The following CMIP variants were observed in gnomAD, a reference collection of about 807,000 sequenced individuals.
CMIP encodes the protein c-Maf inducing protein, also known as C-Maf-inducing protein.
A neutral mutation model predicts 97.3 loss-of-function variants in CMIP; 13 were observed. That is an observed-to-expected ratio of 0.13 (90% CI 0.09 to 0.21). CMIP has a LOEUF of 0.21. CMIP is among the 10% of genes least tolerant of loss of function. The probability of loss-of-function intolerance (pLI) is 1.00; values close to 1 mark genes in which losing one functional copy is unlikely to be tolerated. For synonymous variants in CMIP, 538 were observed against 436.3 expected (o/e 1.23, Z -2.91); for missense variants, 847 against 1,024.9 (o/e 0.83, Z 2.37).
chr16:81,469,774 C>T (rs535458470), intron 1 of CMIP, among the ~76,000 whole-genome samples: 60 of 152,304 alleles, frequency 3.9e-4, no homozygotes, highest in Middle Eastern at 3.4e-3. Flanking sequence ...TAAACTCTAC[C>T]TGGAAAATGG....
intron 20 of CMIP, among the ~76,000 whole-genome samples, chr16:81,709,486 C>A (rs1024215064): frequency 2.0e-5 from 3 of 152,182 alleles, no homozygotes; most frequent in African/African-American, 7.2e-5. Flanking sequence ...CTTCCACCTG[C>A]GAAGACAGAG....
At chr16:81,558,139 GCAATATTC>G (rs1314706077) in intron 1 of CMIP, among the ~76,000 whole-genome samples, 1 of 152,116 alleles carries the variant, frequency 6.6e-6, no homozygotes, top group East Asian at 1.9e-4. Flanking sequence ...CTCTTTTATG[GCAATATTC>G]CATTGTCTGT....
At chr16:81,588,883 G>A (rs2091424358) in intron 1 of CMIP, among the ~76,000 whole-genome samples, 1 of 152,180 alleles carries the variant, frequency 6.6e-6, no homozygotes, top group African/African-American at 2.4e-5. Flanking sequence ...CCATTTCACA[G>A]ATGAGGAGAC....
intron 1 of CMIP, among the ~76,000 whole-genome samples, chr16:81,494,632 C>G (rs1196240092): frequency 6.6e-6 from 1 of 152,074 alleles, no homozygotes; most frequent in Non-Finnish European, 1.5e-5. Context: ...CCCGGGGCCG[C>G]CCCCCGATGC....
chr16:81,524,722 G>T (rs1267626085), intron 1 of CMIP, among the ~76,000 whole-genome samples: 1 of 152,234 alleles, frequency 6.6e-6, no homozygotes, highest in Admixed American at 6.5e-5. Flanking sequence ...TCAGTCACAA[G>T]TGAGGCTGTT....
intron 1 of CMIP, among the ~76,000 whole-genome samples, chr16:81,533,106 T>C (rs1395559858): frequency 6.6e-6 from 1 of 152,220 alleles, no homozygotes; most frequent in Non-Finnish European, 1.5e-5. Context: ...ACTCCCACAA[T>C]TTTTTATTTC....
At chr16:81,491,127 G>T (rs950876733) in intron 1 of CMIP, among the ~76,000 whole-genome samples, 11 of 152,162 alleles carry the variant, frequency 7.2e-5, no homozygotes, top group Non-Finnish European at 4.4e-5. Context: ...ACCCATGTGG[G>T]GTCTGGCCAT....
chr16:81,607,999 A>G (rs2150942599), intron 2 of CMIP, among the ~76,000 whole-genome samples: 1 of 152,370 alleles, frequency 6.6e-6, no homozygotes, highest in South Asian at 2.1e-4. Context: ...AGATGAGGAA[A>G]CTGAGGCACA....
chr16:81,650,761 G>A (rs937299545), intron 3 of CMIP, among the ~76,000 whole-genome samples: 5 of 152,156 alleles, frequency 3.3e-5, no homozygotes, highest in Non-Finnish European at 7.3e-5. Context: ...GTCCAGGATG[G>A]GTCAGGGTTA....
At chr16:81,542,875 C>G (rs1461720313) in intron 1 of CMIP, among the ~76,000 whole-genome samples, 1 of 152,230 alleles carries the variant, frequency 6.6e-6, no homozygotes, top group Non-Finnish European at 1.5e-5. Flanking sequence ...TTCCGGGAGG[C>G]ACAAACATAC....
chr16:81,595,331 T>C (rs1437284309), intron 1 of CMIP, among the ~76,000 whole-genome samples: 1 of 152,124 alleles, frequency 6.6e-6, no homozygotes, highest in African/African-American at 2.4e-5. Context: ...AATCATACAA[T>C]GTGTGGTCTT....
Position 81,455,787 on chromosome 16 carries a change from C to T in CMIP, c.300+10246C>T, listed in dbSNP as rs558206384. ...TAGAGACCCCTGCTACTCCAAATCC[C>T]AGGCCTGAGCTGTGGCTCACAGGAC... is the stretch of plus-strand genomic sequence containing the variant. On this transcript the variant is annotated intron_variant, in intron 1 of 20. Transcript: ENST00000537098. 2.0e-5 allele frequency among the ~76,000 whole-genome samples: 3 copies of T among 152,316 alleles called. No individual in the cohort carries two copies. The East Asian group carries it at 5.8e-4, about 29-fold the overall frequency.
rs376731630 is a variant in CMIP, at chr16:81,579,234, T to C, written c.301-28333T>C. On this transcript the variant is annotated intron_variant, in intron 1 of 20. Transcript: ENST00000537098. ...GGAGGAAGATGAAGGTGAAGGGTGG[T>C]GGCGGTCCTTGCAAGACAGAGGCCA... is the stretch of plus-strand genomic sequence containing the variant. Among the ~76,000 whole-genome samples, 4 of 152,284 alleles carry C rather than the reference T, an allele frequency of 2.6e-5. No homozygotes were observed. The East Asian group carries it at 7.7e-4, about 29-fold the overall frequency.
At position 81,616,224 on chromosome 16, in the gene CMIP, C is replaced by T. The variant is rs1012112048; in HGVS notation, c.427-4652C>T. ...AGTTAATCCTACGTGGATCCTGCCT[C>T]CTCTCCCAATCCTGTGGGTGGGACA... On this transcript the variant is annotated intron_variant, in intron 2 of 20. Coordinates refer to ENST00000537098, the MANE Select transcript of CMIP (RefSeq NM_198390.3). This position sits in a 1 kb window ranked among gnomAD's most constrained non-coding sequence, Gnocchi z 4.7. Among the ~76,000 whole-genome samples the T allele has an allele frequency of 6.6e-6, 1 of 151,684 alleles. No individual in the cohort carries two copies. Among genetic ancestry groups the T allele is most frequent in the Non-Finnish European group, 1.5e-5 (1 of 67,966 alleles).
rs35080324 is a variant in CMIP, at chr16:81,627,915, G to A, written c.477+6989G>A. 0.026 allele frequency among the ~76,000 whole-genome samples: 4,025 copies of A among 152,274 alleles called. 82 individuals carry two copies. Among genetic ancestry groups the A allele is most frequent in the Non-Finnish European group, 0.037 (2,529 of 67,986 alleles). ...CAAGGCAAAGTGCCTGGGGCTCAGA[G>A]AGGGGAAGCCCACCTGACGGGAAGC... On this transcript the variant is annotated intron_variant, in intron 3 of 20. Coordinates refer to ENST00000537098, the MANE Select transcript of CMIP (RefSeq NM_198390.3). The surrounding 1 kb of genome is among the most constrained non-coding windows in gnomAD (Gnocchi z 4.6).
chr16:81,486,757 G>T (rs2089320685), intron 1 of CMIP, among the ~76,000 whole-genome samples: 1 of 152,264 alleles, frequency 6.6e-6, no homozygotes, highest in Non-Finnish European at 1.5e-5. Context: ...CGGCACTGTT[G>T]CAGATGTCCT....
At chr16:81,624,627 A>G (rs1274672452) in intron 3 of CMIP, among the ~76,000 whole-genome samples, 1 of 152,160 alleles carries the variant, frequency 6.6e-6, no homozygotes, top group African/African-American at 2.4e-5. Context: ...GTTCCTTGAC[A>G]CTTAAACAAA....
At chr16:81,589,039 A>G (rs181681509) in intron 1 of CMIP, among the ~76,000 whole-genome samples, 70 of 152,020 alleles carry the variant, frequency 4.6e-4, no homozygotes, top group African/African-American at 1.6e-3. Flanking sequence ...AAGGCCATAA[A>G]CATATTCCGG....
chr16:81,626,649 G>A (rs2092070886), intron 3 of CMIP, among the ~76,000 whole-genome samples: 1 of 149,734 alleles, frequency 6.7e-6, no homozygotes, highest in African/African-American at 2.5e-5. Flanking sequence ...GAGTGTGTGT[G>A]TGTGGTGTGT....
Sources: gnomAD v4.1 joint callset for allele counts (sites outside exome capture counted in the v4.1 genomes callset) on GRCh38, gnomAD v4.1.1 for gene constraint, Gnocchi (gnomAD v3.1) non-coding constraint, MANE v1.5 for transcripts, NCBI Gene and HGNC (gene_info 2026-07-23, HGNC 2026-07-21) for gene names.